The following SGCD variants were observed in gnomAD, a reference collection of about 807,000 sequenced individuals.
SGCD encodes the protein delta-sarcoglycan.
Under a neutral mutation model 36.6 loss-of-function variants are expected in SGCD, and 18 were observed. The observed-to-expected ratio is 0.49, with a 90% CI of 0.34 to 0.73. The LOEUF (loss-of-function observed/expected upper bound fraction) is 0.73, where lower values mean the gene tolerates loss of function less well. Among genes scored for constraint, SGCD ranks in the 30% least tolerant of loss-of-function variants. The probability of loss-of-function intolerance (pLI) is 0.01; values close to 1 mark genes in which losing one functional copy is unlikely to be tolerated. For synonymous variants in SGCD, 133 were observed against 130.6 expected (o/e 1.02, Z -0.12); for missense variants, 387 against 346.7 (o/e 1.12, Z -0.92).
Position 156,019,865 on chromosome 5 carries a change from C to G in SGCD, c.-281-98013C>G, listed in dbSNP as rs191458651. On this transcript the variant is annotated intron_variant, in intron 1 of 9. Transcript: ENST00000517913. Reference sequence around the variant, plus strand: ...AGGCCTATGAGATAAAATCCAGATGCCTAGAGTTAGCATTTAAAGCCCTGT... The same window carrying G: ...AGGCCTATGAGATAAAATCCAGATGGCTAGAGTTAGCATTTAAAGCCCTGT... 2.0e-3 allele frequency among the ~76,000 whole-genome samples: 303 copies of G among 152,318 alleles called. 8 individuals carry two copies. The highest frequency in any genetic ancestry group is 0.018 in the Admixed American group (281 of 15,302).
intron 7 of SGCD, among the ~76,000 whole-genome samples, chr5:156,706,076 A>G (rs1372954973): frequency 1.3e-5 from 2 of 152,156 alleles, no homozygotes; most frequent in African/African-American, 4.8e-5. Flanking sequence ...AACGATAGAG[A>G]AGTTTAGCAT....
At chr5:155,963,775 C>G (rs1462117015) in intron 1 of SGCD, among the ~76,000 whole-genome samples, 3 of 151,972 alleles carry the variant, frequency 2.0e-5, no homozygotes, top group African/African-American at 7.2e-5. Flanking sequence ...TCAGTAGGGA[C>G]TTATTTTAAA....
At chr5:156,075,271 C>T (rs1444668314) in intron 1 of SGCD, among the ~76,000 whole-genome samples, 2 of 151,384 alleles carry the variant, frequency 1.3e-5, no homozygotes, top group African/African-American at 4.8e-5. Context: ...GGAAATGATG[C>T]AAAGGTGAAA....
chr5:156,617,762 C>T (rs1762073402), intron 6 of SGCD, among the ~76,000 whole-genome samples: 1 of 152,180 alleles, frequency 6.6e-6, no homozygotes, highest in Non-Finnish European at 1.5e-5. Flanking sequence ...ATTTCTTTAT[C>T]TGAAGAAGGC....
intron 3 of SGCD, among the ~76,000 whole-genome samples, chr5:156,394,858 A>G (rs1160547173): frequency 6.6e-6 from 1 of 152,198 alleles, no homozygotes; most frequent in Non-Finnish European, 1.5e-5. Flanking sequence ...TGGGTAAGTT[A>G]TTGGAAGAAG....
At chr5:156,049,140 T>C (rs149801030) in intron 1 of SGCD, among the ~76,000 whole-genome samples, 3,893 of 146,286 alleles carry the variant, frequency 0.027, 386 homozygotes, top group African/African-American at 0.09. Flanking sequence ...GTTGTAGATA[T>C]GCAGCATTAT....
chr5:155,795,867 C>T, the SGCD span, among the ~76,000 whole-genome samples: 2 of 152,098 alleles, frequency 1.3e-5, no homozygotes, highest in Non-Finnish European at 2.9e-5. Flanking sequence ...AAAGTAGATT[C>T]TAAAGCCAGA....
intron 1 of SGCD, among the ~76,000 whole-genome samples, chr5:156,103,660 C>G (rs1197238758): frequency 6.6e-6 from 1 of 152,052 alleles, no homozygotes; most frequent in Admixed American, 6.6e-5. Flanking sequence ...CCCAGCCAAA[C>G]TCCATCATAA....
chr5:156,291,625 A>G (rs1766758555), intron 3 of SGCD, among the ~76,000 whole-genome samples: 1 of 151,880 alleles, frequency 6.6e-6, no homozygotes, highest in South Asian at 2.1e-4. Flanking sequence ...TACTATCTTA[A>G]CCTTTTTTTT....
chr5:156,172,841 C>T (rs891157691), intron 3 of SGCD, among the ~76,000 whole-genome samples: 3 of 140,646 alleles, frequency 2.1e-5, no homozygotes, highest in East Asian at 4.3e-4. Context: ...AGCATGTATT[C>T]GTGTAATTTG....
chr5:156,725,846 G>GA (rs969271290), intron 7 of SGCD, among the ~76,000 whole-genome samples: 3 of 151,932 alleles, frequency 2.0e-5, no homozygotes, highest in Admixed American at 2.0e-4. Flanking sequence ...CATCTTTGAA[G>GA]AAAAAAACAA....
At chr5:156,532,420 G>C (rs1401535409) in intron 4 of SGCD, among the ~76,000 whole-genome samples, 1 of 152,078 alleles carries the variant, frequency 6.6e-6, no homozygotes, top group Non-Finnish European at 1.5e-5. Context: ...CATTGTAATA[G>C]CTAACAGATA....
the SGCD span, among the ~76,000 whole-genome samples, chr5:155,744,142 G>T: frequency 6.6e-6 from 1 of 152,268 alleles, no homozygotes; most frequent in Middle Eastern, 3.4e-3. Context: ...AGTTATCAGA[G>T]AATATGAAAT....
chr5:156,656,011 C>A (rs75304075), intron 7 of SGCD, among the ~76,000 whole-genome samples: 5 of 151,886 alleles, frequency 3.3e-5, no homozygotes, highest in Non-Finnish European at 7.4e-5. Flanking sequence ...TCTGATCCTA[C>A]GAGAATAGGA....
At chr5:156,103,034 G>A (rs1485963083) in intron 1 of SGCD, among the ~76,000 whole-genome samples, 9 of 152,074 alleles carry the variant, frequency 5.9e-5, no homozygotes, top group East Asian at 1.9e-4. Flanking sequence ...CATATCTTCC[G>A]CTTTTATTAT....
At chr5:156,487,441 G>A (rs4307078) in intron 3 of SGCD, among the ~76,000 whole-genome samples, 39,314 of 152,010 alleles carry the variant, frequency 0.26, 5,910 homozygotes, top group African/African-American at 0.42. Context: ...TTCAAGAAAT[G>A]TTAAAAAGCA....
At chr5:156,183,267 C>T (rs1284145060) in intron 3 of SGCD, among the ~76,000 whole-genome samples, 1 of 152,098 alleles carries the variant, frequency 6.6e-6, no homozygotes, top group African/African-American at 2.4e-5. Flanking sequence ...AGGAGCCAAA[C>T]ATTTGAAGAA....
chr5:156,050,575 TAGCTCTCTTTAACCATAAACC>T (rs1242660227), intron 1 of SGCD, among the ~76,000 whole-genome samples: 1 of 146,450 alleles, frequency 6.8e-6, no homozygotes, highest in African/African-American at 2.5e-5. Context: ...ACAAACTATA[TAGCTCTCTTTAACCATAAACC>T]ATAGTTTCCT....
At chr5:156,019,783 T>TA (rs755931100) in intron 1 of SGCD, among the ~76,000 whole-genome samples, 4 of 152,220 alleles carry the variant, frequency 2.6e-5, no homozygotes, top group Non-Finnish European at 5.9e-5. Flanking sequence ...TGACCATCCA[T>TA]AATGTGCGGT....
Sources: allele counts gnomAD v4.1 joint callset (sites outside exome capture counted in the v4.1 genomes callset), GRCh38; gene constraint gnomAD v4.1.1; transcripts MANE v1.5; gene names NCBI Gene and HGNC (gene_info 2026-07-23, HGNC 2026-07-21).